Variants in FGD3 observed in about 807,000 individuals in gnomAD.
The protein encoded by FGD3 is FYVE, RhoGEF and PH domain-containing protein 3.
In FGD3, 45 loss-of-function variants were observed where a neutral mutation model predicts 71.8. That is an observed-to-expected ratio of 0.63 (90% CI 0.49 to 0.80). FGD3 has a LOEUF of 0.80. FGD3 is among the 30% of genes least tolerant of loss of function. The probability of loss-of-function intolerance (pLI) is 0.00; values close to 1 mark genes in which losing one functional copy is unlikely to be tolerated. For synonymous variants in FGD3, 378 were observed against 392.8 expected, an observed-to-expected ratio of 0.96 and a Z score of 0.44; for missense variants, 844 against 951.5, an observed-to-expected ratio of 0.89 and a Z score of 1.49.
chr9:93,035,707 G>A lies in FGD3; in HGVS notation c.*118G>A. Reference sequence around the variant, plus strand: ...GCTGAGGGTGGGCCAACAGCCCAGAGCTCAGGACACTTGGCTTTGGGGGGA... The same window carrying A: ...GCTGAGGGTGGGCCAACAGCCCAGAACTCAGGACACTTGGCTTTGGGGGGA... On this transcript the variant is annotated 3_prime_UTR_variant, in exon 18 of 18. Coordinates refer to ENST00000375482, the MANE Select transcript of FGD3 (RefSeq NM_001083536.2). 11 of 1,397,136 alleles carry A rather than the reference G, an allele frequency of 7.9e-6. No homozygotes were observed. The highest frequency in any genetic ancestry group is 1.0e-5 in the Non-Finnish European group (11 of 1,059,716). 86.5% of individuals were successfully genotyped at this position (1,397,136 alleles called of 1,614,324 possible). A position where few individuals can be genotyped will look rare whatever the true frequency, so the allele number is the denominator to read the frequency against.
At chr9:92,980,604 C>T (rs1369126564) in intron 3 of FGD3, among the ~76,000 whole-genome samples, 1 of 151,754 alleles carries the variant, frequency 6.6e-6, no homozygotes, top group Admixed American at 6.6e-5. Context: ...AAAATTCCCT[C>T]TTAGCACTGC....
chr9:92,981,660 G>T (rs1860004536), intron 3 of FGD3, among the ~76,000 whole-genome samples: 2 of 151,988 alleles, frequency 1.3e-5, no homozygotes, highest in South Asian at 4.1e-4. Context: ...ATATTATTTT[G>T]CCGATCTCTA....
intron 8 of FGD3, among the ~76,000 whole-genome samples, chr9:93,013,065 A>AT (rs1327408587): frequency 6.6e-6 from 1 of 152,072 alleles, no homozygotes; most frequent in African/African-American, 2.4e-5. Context: ...CCCTGTGTAT[A>AT]TACCAGGTAC....
intron 15 of FGD3, 146 bp from the exon 16 acceptor site, chr9:93,032,623 G>A (rs1026043733): frequency 2.6e-6 from 2 of 774,138 alleles, no homozygotes; most frequent in African/African-American, 3.4e-5. Context: ...CCCTCAAGGA[G>A]AAGCTCTTAT....
chr9:92,991,018 G>A (rs1860386885), intron 3 of FGD3, among the ~76,000 whole-genome samples: 1 of 152,126 alleles, frequency 6.6e-6, no homozygotes, highest in African/African-American at 2.4e-5. Flanking sequence ...AGGTTCAGTA[G>A]AATTCAGTGG....
At chr9:92,994,365 T>G (rs1860546044) in intron 3 of FGD3, among the ~76,000 whole-genome samples, 1 of 152,216 alleles carries the variant, frequency 6.6e-6, no homozygotes, top group South Asian at 2.1e-4. Flanking sequence ...TTCTGGATAT[T>G]AGCCCTTTGT....
chr9:93,012,135 CAG>C (rs1477409537), intron 8 of FGD3, among the ~76,000 whole-genome samples: 1 of 131,788 alleles, frequency 7.6e-6, no homozygotes, highest in African/African-American at 2.9e-5. Context: ...GCCTGGGCAA[CAG>C]AGCAAGACTC....
chr9:93,021,131 GTCT>G (rs1363982203), intron 13 of FGD3, among the ~76,000 whole-genome samples: 1 of 152,228 alleles, frequency 6.6e-6, no homozygotes, highest in East Asian at 1.9e-4. Flanking sequence ...ACTCTGTCTG[GTCT>G]AGCACAGCCT....
chr9:92,953,569 CAGGAACTTG>C (rs1858996531), intron 1 of FGD3, among the ~76,000 whole-genome samples: 2 of 152,210 alleles, frequency 1.3e-5, no homozygotes, highest in South Asian at 4.1e-4. Flanking sequence ...AGGGAGCCCC[CAGGAACTTG>C]GTGTCCAGGG....
At chr9:92,968,595 TTTTC>T (rs947246301) in intron 1 of FGD3, among the ~76,000 whole-genome samples, 3 of 107,822 alleles carry the variant, frequency 2.8e-5, no homozygotes, top group Non-Finnish European at 3.8e-5. Context: ...TTCTTTTCTT[TTTTC>T]TTTCTTTCTT....
At chr9:92,981,372 A>AT (rs1859990016) in intron 3 of FGD3, among the ~76,000 whole-genome samples, 2 of 151,112 alleles carry the variant, frequency 1.3e-5, no homozygotes, top group South Asian at 2.1e-4. Flanking sequence ...CATCTCCAAA[A>AT]AAAAAAAAAA....
At chr9:92,998,273 C>T (rs1178974533) in intron 3 of FGD3, among the ~76,000 whole-genome samples, 3 of 152,178 alleles carry the variant, frequency 2.0e-5, no homozygotes, top group East Asian at 1.9e-4. Context: ...GCTACTGAAG[C>T]TTGTGCATGC....
At chr9:92,952,519 G>T (rs896400805) in intron 1 of FGD3, among the ~76,000 whole-genome samples, 1 of 151,900 alleles carries the variant, frequency 6.6e-6, no homozygotes, top group South Asian at 2.1e-4. Flanking sequence ...TTACAGGTGT[G>T]AGCCACCGCG....
Position 93,028,995 on chromosome 9 carries a change from GTTTTTTTTTTTTTTTTTTTTTTTTTT to G in FGD3, c.1558-862_1558-837del, listed in dbSNP as rs869235976. 2.1e-4 allele frequency among the ~76,000 whole-genome samples: 11 copies of G among 51,754 alleles called. No individual in the cohort carries two copies. The East Asian group carries it at 4.1e-3, about 19-fold the overall frequency. 34.0% of individuals were successfully genotyped at this position (51,754 alleles called of 152,430 possible). A position where few individuals can be genotyped will look rare whatever the true frequency, so the allele number is the denominator to read the frequency against. On this transcript the variant is annotated intron_variant, in intron 14 of 17. Transcript: ENST00000375482. ...CATGGCTTCCTCACATGTCCTCACA[GTTTTTTTTTTTTTTTTTTTTTTTTTT>G]TTTTTTTTTTTTTTTTGAGACAGAA...
intron 9 of FGD3, 38 bp downstream of exon 9, chr9:93,014,036 C>T (rs757018224): frequency 2.5e-6 from 4 of 1,576,986 alleles, no homozygotes; most frequent in Non-Finnish European, 2.6e-6. Context: ...GCAGAGCCTC[C>T]CTTGCCATTT....
chr9:93,027,541 GCCCTGTCTCCAAATATAGTCACATT>G (rs562166271), intron 14 of FGD3, among the ~76,000 whole-genome samples: 73 of 152,066 alleles, frequency 4.8e-4, no homozygotes, highest in African/African-American at 1.7e-3. Flanking sequence ...CTCTTTAAAG[GCCCTGTCTCCAAATATAGTCACATT>G]CAGAGTTACT....
At chr9:93,013,797 A>C in intron 8 of FGD3, 55 bp from the exon 9 acceptor site, 1 of 1,605,886 alleles carries the variant, frequency 6.2e-7, no homozygotes, top group Non-Finnish European at 8.5e-7. Flanking sequence ...GTGCATCTCT[A>C]GGTCACCAGC....
chr9:93,028,214 A>ATG (rs1862202054), intron 14 of FGD3, among the ~76,000 whole-genome samples: 1 of 88,634 alleles, frequency 1.1e-5, no homozygotes, highest in Non-Finnish European at 2.3e-5. Context: ...ACACACACAC[A>ATG]CACGCACACA....
At chr9:93,035,211 T>G (rs1862547736) in intron 17 of FGD3, 127 bp from the exon 18 acceptor site, 4 of 1,368,992 alleles carry the variant, frequency 2.9e-6, no homozygotes, top group Non-Finnish European at 2.9e-6. Context: ...ACCAGACCCC[T>G]CGGGCTCAGC....
Sources: allele counts gnomAD v4.1 joint callset (sites outside exome capture counted in the v4.1 genomes callset), GRCh38; gene constraint gnomAD v4.1.1; transcripts MANE v1.5; gene names NCBI Gene and HGNC (gene_info 2026-07-23, HGNC 2026-07-21).